FBXO31: variants seen among roughly 807,000 people sequenced by gnomAD.
FBXO31 encodes F-box protein 31.
A neutral mutation model predicts 54.4 loss-of-function variants in FBXO31; 24 were observed. The observed-to-expected ratio is 0.44, with a 90% CI of 0.32 to 0.62. The LOEUF is 0.62. Among genes scored for constraint, FBXO31 ranks in the 20% least tolerant of loss-of-function variants. The probability of loss-of-function intolerance (pLI) is 0.05; values close to 1 mark genes in which losing one functional copy is unlikely to be tolerated. For missense variants in FBXO31, 665 were observed against 787.1 expected, an observed-to-expected ratio of 0.84 and a Z score of 1.86; for synonymous variants, 388 against 335.6, an observed-to-expected ratio of 1.16 and a Z score of -1.71.
In FBXO31 at chr16:87,383,568, C is replaced by G. The variant is rs1260188168; in HGVS notation, c.177G>C (p.Ser59=). The G allele has an allele frequency of 1.3e-6, 2 of 1,518,944 alleles. No homozygotes were observed. The highest frequency in any genetic ancestry group is 4.4e-5 in the Admixed American group (2 of 45,730). 94.1% of individuals were successfully genotyped at this position (1,518,944 alleles called of 1,614,324 possible). Reference sequence around the variant, plus strand: ...GCAGCGAGCAGCGCGGGGGCGGCGGCGAGGGGCCCGCGCACAAGCCGCCCC... The same window carrying G: ...GCAGCGAGCAGCGCGGGGGCGGCGGGGAGGGGCCCGCGCACAAGCCGCCCC... ...GVGGGLCAGP[S]PPPPRCSLLE... The change falls in exon 1 of 9, where the codon TCG becomes TCC. Residue 59 remains serine (S), a synonymous_variant. Transcript: ENST00000311635. The surrounding 1 kb of genome is among the most constrained non-coding windows in gnomAD (Gnocchi z 4.9).
intron 2 of FBXO31, among the ~76,000 whole-genome samples, chr16:87,347,689 A>C (rs1661619561): frequency 6.6e-6 from 1 of 151,690 alleles, no homozygotes; most frequent in African/African-American, 2.4e-5. Context: ...CCAAAAAAAA[A>C]AAAAAAAAAA....
intron 2 of FBXO31, 28 bp from the exon 3 acceptor site, chr16:87,347,278 C>T (rs1439322960): frequency 6.2e-7 from 1 of 1,606,152 alleles, no homozygotes. Context: ...GAGCAAGTCT[C>T]TGTGTTAGAC....
At chr16:87,376,545 G>A (rs1360990914) in intron 1 of FBXO31, among the ~76,000 whole-genome samples, 2 of 152,124 alleles carry the variant, frequency 1.3e-5, no homozygotes, top group Admixed American at 6.5e-5. Flanking sequence ...AAAGTGCTGG[G>A]ATTACAGGTA....
chr16:87,372,585 G>C (rs1226776274), intron 1 of FBXO31, among the ~76,000 whole-genome samples: 3 of 152,038 alleles, frequency 2.0e-5, no homozygotes, highest in African/African-American at 7.2e-5. Context: ...TTTAGAGGTA[G>C]AGTCTCACTC....
At chr16:87,385,160 A>G (rs1439964809), upstream of FBXO31, among the ~76,000 whole-genome samples, 3 of 145,846 alleles carry the variant, frequency 2.1e-5, no homozygotes, top group Admixed American at 6.8e-5. Context: ...CATCTCTACA[A>G]ATAATTTAAA....
intron 5 of FBXO31, among the ~76,000 whole-genome samples, chr16:87,340,117 C>A (rs547071142): frequency 6.6e-6 from 1 of 152,228 alleles, no homozygotes; most frequent in African/African-American, 2.4e-5. Context: ...AACCTGTCTC[C>A]GCTAAAAATA....
At chr16:87,347,311 G>A in intron 2 of FBXO31, 61 bp from the exon 3 acceptor site, 4 of 1,448,276 alleles carry the variant, frequency 2.8e-6, no homozygotes, top group Middle Eastern at 3.5e-4. Context: ...AGGGAGCCCA[G>A]GAACCCCGAG....
At chr16:87,343,548 C>G (rs1341424343) in intron 4 of FBXO31, 50 bp downstream of exon 4, 7 of 1,551,438 alleles carry the variant, frequency 4.5e-6, no homozygotes, top group Non-Finnish European at 6.1e-6. Flanking sequence ...CTGGAGCCCA[C>G]ACAGGACAGC....
chr16:87,355,749 C>T (rs911334793), intron 2 of FBXO31, among the ~76,000 whole-genome samples: 5 of 152,140 alleles, frequency 3.3e-5, no homozygotes, highest in Non-Finnish European at 7.4e-5. Context: ...GAGGCCAGCC[C>T]GGCAGCGTGG....
In FBXO31 at chr16:87,383,757, C is replaced by G; in HGVS notation, c.-13G>C. ...CACACACCGCCATGCCGCCCAGTGA[C>G]GGCCACTGCTGCCGCCTGTGCGCAC... On this transcript the variant is annotated 5_prime_UTR_variant, in exon 1 of 9. Transcript: ENST00000311635. This position sits in a 1 kb window ranked among gnomAD's most constrained non-coding sequence, Gnocchi z 4.9. 2 of 1,198,304 alleles carry G rather than the reference C, an allele frequency of 1.7e-6. No individual in the cohort carries two copies. Among genetic ancestry groups the G allele is most frequent in the East Asian group, 3.7e-5 (1 of 27,154 alleles). 74.2% of individuals were successfully genotyped at this position (1,198,304 alleles called of 1,614,324 possible).
At position 87,335,927 on chromosome 16, in the gene FBXO31, C is replaced by T. The variant is rs1905033679; in HGVS notation, c.842+228G>A. 6.6e-6 allele frequency among the ~76,000 whole-genome samples: 1 copy of T among 152,104 alleles called. No homozygotes were observed. Among genetic ancestry groups the T allele is most frequent in the Non-Finnish European group, 1.5e-5 (1 of 68,004 alleles). On this transcript the variant is annotated intron_variant, in intron 6 of 8. Transcript: ENST00000311635. This position sits in a 1 kb window ranked among gnomAD's most constrained non-coding sequence, Gnocchi z 5.7. Reference sequence around the variant, plus strand: ...GCTACAGGGAGGCCTGCACTCCCAGCACCCACAGAGAGAGGGGCTGTGTTC... The same window carrying T: ...GCTACAGGGAGGCCTGCACTCCCAGTACCCACAGAGAGAGGGGCTGTGTTC...
chr16:87,347,112 C>T (rs944189222), intron 3 of FBXO31, 62 bp downstream of exon 3: 3 of 1,450,022 alleles, frequency 2.1e-6, no homozygotes, highest in Non-Finnish European at 2.9e-6. Flanking sequence ...CCCTCAAATT[C>T]CTCCACGTAA....
chr16:87,361,551 T>C (rs1392879727), intron 1 of FBXO31, among the ~76,000 whole-genome samples: 1 of 152,196 alleles, frequency 6.6e-6, no homozygotes, highest in Non-Finnish European at 1.5e-5. Context: ...GTGAAGTTGA[T>C]GGCCATCAGA....
At chr16:87,377,836 A>T (rs888382823) in intron 1 of FBXO31, among the ~76,000 whole-genome samples, 3 of 151,918 alleles carry the variant, frequency 2.0e-5, no homozygotes, top group Non-Finnish European at 2.9e-5. Context: ...CTCAAAAAAA[A>T]AAAAGAAAAA....
chr16:87,379,697 C>G (rs1906989196), intron 1 of FBXO31, among the ~76,000 whole-genome samples: 1 of 152,032 alleles, frequency 6.6e-6, no homozygotes, highest in Admixed American at 6.5e-5. Context: ...CGGCAATTCT[C>G]TTGCCTCAGC....
chr16:87,371,067 T>C (rs1448545881), intron 1 of FBXO31, among the ~76,000 whole-genome samples: 2 of 152,114 alleles, frequency 1.3e-5, no homozygotes, highest in Non-Finnish European at 2.9e-5. Flanking sequence ...TGTTTTTAAA[T>C]AATGCAGCAG....
chr16:87,387,220 A>T (rs944741203), upstream of FBXO31, among the ~76,000 whole-genome samples: 2 of 152,334 alleles, frequency 1.3e-5, no homozygotes, highest in African/African-American at 4.8e-5. Flanking sequence ...AGACAGTGCC[A>T]GCAGAAAACT....
intron 1 of FBXO31, among the ~76,000 whole-genome samples, chr16:87,373,468 T>C (rs934787953): frequency 1.3e-5 from 2 of 151,776 alleles, no homozygotes; most frequent in South Asian, 4.2e-4. Context: ...AATAATTATA[T>C]ATATACATAT....
At chr16:87,334,429 G>A (rs1904977682) in intron 7 of FBXO31, 143 bp from the exon 8 acceptor site, 1 of 726,422 alleles carries the variant, frequency 1.4e-6, no homozygotes, top group East Asian at 2.9e-5. Context: ...TACAGAAGAA[G>A]AAGTCTCAGA....
Sources: gnomAD v4.1 joint callset for allele counts (sites outside exome capture counted in the v4.1 genomes callset) on GRCh38, gnomAD v4.1.1 for gene constraint, Gnocchi (gnomAD v3.1) non-coding constraint, MANE v1.5 for transcripts, NCBI Gene and HGNC (gene_info 2026-07-23, HGNC 2026-07-21) for gene names.